FBXL17: variants seen among roughly 807,000 people sequenced by gnomAD.
FBXL17 encodes F-box and leucine rich repeat protein 17, also known as F-box/LRR-repeat protein 17.
Under a neutral mutation model 66.2 loss-of-function variants are expected in FBXL17, and 22 were observed. The ratio of observed to expected loss-of-function variants is 0.33; its 90% CI spans 0.24 to 0.47. FBXL17 has a LOEUF of 0.47. Ranked by LOEUF, FBXL17 falls within the 20% of genes least tolerant of loss-of-function variation. The pLI is 1.00. For synonymous variants in FBXL17, 474 were observed against 400.5 expected, an observed-to-expected ratio of 1.18 and a Z score of -2.19; for missense variants, 878 against 948.2, an observed-to-expected ratio of 0.93 and a Z score of 0.97.
rs117003976 is a variant in FBXL17, at chr5:108,195,607, C to T, written c.1615-9360G>A. ...ATTTTGAACAGGAGTGTACTATGTT[C>T]TAATTTAGTTTTGAAATGATCACCC... On this transcript the variant is annotated intron_variant, in intron 5 of 8. Coordinates refer to ENST00000542267, the MANE Select transcript of FBXL17 (RefSeq NM_001163315.3). Among the ~76,000 whole-genome samples, 342 of 152,184 alleles carry T rather than the reference C, an allele frequency of 2.2e-3. 10 individuals carry two copies. The East Asian group carries it at 0.058, about 26-fold the overall frequency.
chr5:108,292,777 G>C (rs891288407), intron 4 of FBXL17, among the ~76,000 whole-genome samples: 1 of 152,104 alleles, frequency 6.6e-6, no homozygotes, highest in Admixed American at 6.6e-5. Flanking sequence ...GACTTAGCAT[G>C]GTGTCAGTAT....
In FBXL17 at chr5:108,381,434, C is replaced by G. The variant is rs892590041; in HGVS notation, c.258G>C (p.Pro86=). 28 of 1,312,038 alleles carry G rather than the reference C, an allele frequency of 2.1e-5. No individual in the cohort carries two copies. Among genetic ancestry groups the G allele is most frequent in the Non-Finnish European group, 2.6e-5 (27 of 1,037,896 alleles). 81.3% of individuals were successfully genotyped at this position (1,312,038 alleles called of 1,614,324 possible). A position where few individuals can be genotyped will look rare whatever the true frequency, so the allele number is the denominator to read the frequency against. The change falls in exon 1 of 9, where the codon CCG becomes CCC. Residue 86 remains proline, a synonymous_variant. Transcript: ENST00000542267. ...PEEEPPLSPP[P]RDGAYAAASS... is the part of the protein sequence containing the mutation. ...AGGCGGCAGCGTAGGCCCCGTCCCG[C>G]GGCGGCGGCGAGAGCGGCGGCTCCT...
chr5:108,081,582 C>T (rs965671785), intron 6 of FBXL17, among the ~76,000 whole-genome samples: 2 of 151,872 alleles, frequency 1.3e-5, no homozygotes, highest in African/African-American at 4.8e-5. Context: ...AAGTAGCCGG[C>T]CGTGGTGGCA....
chr5:108,227,332 C>T (rs530990816), intron 4 of FBXL17, among the ~76,000 whole-genome samples: 8 of 152,142 alleles, frequency 5.3e-5, no homozygotes, highest in South Asian at 2.1e-4. Context: ...ATTCCTTTTT[C>T]GTCTCCCGCA....
intron 6 of FBXL17, among the ~76,000 whole-genome samples, chr5:108,039,238 TTTAA>T (rs1346693305): frequency 3.9e-5 from 6 of 151,972 alleles, no homozygotes; most frequent in Admixed American, 1.3e-4. Flanking sequence ...AAATCAAGTA[TTTAA>T]TTAATAATAT....
intron 7 of FBXL17, among the ~76,000 whole-genome samples, chr5:108,000,498 C>G (rs1207806826): frequency 6.6e-6 from 1 of 152,140 alleles, no homozygotes; most frequent in Admixed American, 6.5e-5. Flanking sequence ...ATGGCACACA[C>G]AGAAGCAATA....
chr5:108,208,196 G>T (rs2150057269), intron 5 of FBXL17, among the ~76,000 whole-genome samples: 1 of 152,182 alleles, frequency 6.6e-6, no homozygotes, highest in East Asian at 1.9e-4. Flanking sequence ...TAAGTTCTTT[G>T]TAGATTCTGG....
chr5:108,298,943 C>G, intron 4 of FBXL17: 1 of 945,106 alleles, frequency 1.1e-6, no homozygotes, highest in Non-Finnish European at 1.3e-6. Context: ...ATATTATTTA[C>G]TTTCAGTTTC....
chr5:108,223,695 T>G (rs1357711355), intron 5 of FBXL17, among the ~76,000 whole-genome samples: 2 of 152,158 alleles, frequency 1.3e-5, no homozygotes, highest in Non-Finnish European at 2.9e-5. Context: ...CAATGTAAAT[T>G]TTTGTCATAT....
chr5:108,321,599 G>C (rs942442916), intron 4 of FBXL17, among the ~76,000 whole-genome samples: 1 of 151,694 alleles, frequency 6.6e-6, no homozygotes, highest in Non-Finnish European at 1.5e-5. Context: ...CATTGCTACT[G>C]CTCTATTACC....
chr5:108,211,089 T>C (rs1754350122), intron 5 of FBXL17, among the ~76,000 whole-genome samples: 1 of 152,230 alleles, frequency 6.6e-6, no homozygotes, highest in Non-Finnish European at 1.5e-5. Flanking sequence ...TCTTTTGATC[T>C]TTGTTGGTTT....
intron 6 of FBXL17, among the ~76,000 whole-genome samples, chr5:108,177,331 AAAAATAAGCTGTTTTTT>A (rs1415968569): frequency 7.9e-5 from 12 of 152,186 alleles, no homozygotes; most frequent in Non-Finnish European, 1.8e-4. Context: ...ACTTTTTACC[AAAAATAAGCTGTTTTTT>A]AAAATATCCA....
intron 6 of FBXL17, among the ~76,000 whole-genome samples, chr5:108,163,399 CTTTTTTT>C (rs764052812): frequency 7.7e-6 from 1 of 129,540 alleles, no homozygotes; most frequent in Admixed American, 7.7e-5. Flanking sequence ...TTTTTTTTTT[CTTTTTTT>C]TTTTTTTTTT....
chr5:107,977,252 G>A (rs1752615235), intron 7 of FBXL17, among the ~76,000 whole-genome samples: 1 of 152,012 alleles, frequency 6.6e-6, no homozygotes, highest in African/African-American at 2.4e-5. Context: ...TTATCTCTGA[G>A]TTATCATTTA....
intron 4 of FBXL17, among the ~76,000 whole-genome samples, chr5:108,335,698 T>G (rs1410164292): frequency 6.6e-6 from 1 of 152,194 alleles, no homozygotes; most frequent in Non-Finnish European, 1.5e-5. Flanking sequence ...AAATTCCTCC[T>G]ATTATTATAC....
In FBXL17 at chr5:108,300,241, T is replaced by C. The variant is rs1758526555; in HGVS notation, c.1506+48158A>G. Among the ~76,000 whole-genome samples the C allele has an allele frequency of 2.6e-5, 4 of 151,850 alleles. No homozygotes were observed. The South Asian group carries it at 8.3e-4, about 31-fold the overall frequency. ...ATTTACTTGATTAAAAAATATAGCA[T>C]CGAGGAAAAAAATATGTATCTATCC... On this transcript the variant is annotated intron_variant, in intron 4 of 8. Coordinates refer to ENST00000542267, the MANE Select transcript of FBXL17 (RefSeq NM_001163315.3).
At chr5:107,862,984 T>C (rs770291666) in intron 8 of FBXL17, among the ~76,000 whole-genome samples, 3 of 151,556 alleles carry the variant, frequency 2.0e-5, no homozygotes, top group Non-Finnish European at 4.4e-5. Flanking sequence ...CAACATTGTG[T>C]TGATGATACT....
intron 4 of FBXL17, among the ~76,000 whole-genome samples, chr5:108,238,430 A>G (rs1173858332): frequency 1.3e-5 from 2 of 152,256 alleles, no homozygotes; most frequent in Admixed American, 6.5e-5. Context: ...AGAAGGGCAC[A>G]TGTTAAACAT....
At chr5:107,921,571 A>T (rs1750321600) in intron 7 of FBXL17, among the ~76,000 whole-genome samples, 1 of 152,216 alleles carries the variant, frequency 6.6e-6, no homozygotes, top group Non-Finnish European at 1.5e-5. Flanking sequence ...AATGGAGACA[A>T]CAAGGCAACA....
Sources: allele counts gnomAD v4.1 joint callset (sites outside exome capture counted in the v4.1 genomes callset), GRCh38; gene constraint gnomAD v4.1.1; transcripts MANE v1.5; gene names NCBI Gene and HGNC (gene_info 2026-07-23, HGNC 2026-07-21).